MTHFD1L: variants seen among roughly 807,000 people sequenced by gnomAD.
MTHFD1L encodes the protein monofunctional C1-tetrahydrofolate synthase, mitochondrial.
MTHFD1L carries 81 observed loss-of-function variants against 119.5 expected under a neutral mutation model. The observed-to-expected ratio is 0.68, with a 90% CI of 0.57 to 0.82. The LOEUF (loss-of-function observed/expected upper bound fraction) is 0.82. Ranked by LOEUF, MTHFD1L falls within the 40% of genes least tolerant of loss-of-function variation. MTHFD1L has a pLI of 0.00. For missense variants in MTHFD1L, 1,125 were observed against 1,253.4 expected (o/e 0.90, Z 1.55); for synonymous variants, 430 against 475.2 (o/e 0.90, Z 1.24).
chr6:151,002,196 G>C (rs1236630723), intron 20 of MTHFD1L, among the ~76,000 whole-genome samples: 1 of 152,230 alleles, frequency 6.6e-6, no homozygotes, highest in African/African-American at 2.4e-5. Flanking sequence ...TTGATGAGGA[G>C]TATGGAGCAG....
At chr6:150,897,458 C>T (rs568674761) in intron 7 of MTHFD1L, among the ~76,000 whole-genome samples, 2 of 152,306 alleles carry the variant, frequency 1.3e-5, no homozygotes, top group South Asian at 4.1e-4. Context: ...GAAGCCAGTT[C>T]CACTGCAGTA....
At chr6:150,877,024 C>A (rs1258475525) in intron 2 of MTHFD1L, among the ~76,000 whole-genome samples, 2 of 152,170 alleles carry the variant, frequency 1.3e-5, no homozygotes, top group Admixed American at 6.5e-5. Context: ...TAAAGGCAAA[C>A]CATTTCAACT....
At chr6:150,922,052 C>G (rs576539567) in intron 9 of MTHFD1L, among the ~76,000 whole-genome samples, 153 bp from the exon 10 acceptor site, 1 of 152,166 alleles carries the variant, frequency 6.6e-6, no homozygotes, top group African/African-American at 2.4e-5. Flanking sequence ...CCTAGTTACA[C>G]GTGAATAAAA....
chr6:151,068,910 T>G lies in MTHFD1L; in HGVS notation c.2848-23557T>G, dbSNP rs139757519. On this transcript the variant is annotated intron_variant, in intron 26 of 27. Transcript: ENST00000367321. ...CAGCCTGATTTCTTTTGAACTTGGC[T>G]CAATTTCTTGGAAGCATTGATCATG... Among the ~76,000 whole-genome samples, 223 of 152,322 alleles carry G rather than the reference T, an allele frequency of 1.5e-3. 2 individuals carry two copies. The East Asian group carries it at 0.037, about 26-fold the overall frequency.
chr6:150,876,132 A>G lies in MTHFD1L; in HGVS notation c.270A>G (p.Gln90=). 6.2e-7 allele frequency: 1 copy of G among 1,606,268 alleles called. No individual in the cohort carries two copies. Among genetic ancestry groups the G allele is most frequent in the Non-Finnish European group, 8.5e-7 (1 of 1,176,254 alleles). ...QNSKEVLSLL[Q]EKNPAFKPVL... is the part of the protein sequence containing the mutation. Reference sequence around the variant, plus strand: ...CAAAAGAAGTTCTAAGTTTATTGCAAGAAAAAAACCCTGCCTTCAAGCCGG... The same window carrying G: ...CAAAAGAAGTTCTAAGTTTATTGCAGGAAAAAAACCCTGCCTTCAAGCCGG... Residue 90 remains glutamine, a synonymous_variant, in exon 2 of 28, where the codon CAA becomes CAG. Transcript: ENST00000367321.
chr6:151,044,914 T>C (rs1787738174), intron 26 of MTHFD1L, among the ~76,000 whole-genome samples: 1 of 152,208 alleles, frequency 6.6e-6, no homozygotes, highest in African/African-American at 2.4e-5. Flanking sequence ...CCCCGGCCCG[T>C]GGACTCACTG....
At chr6:150,925,984 T>TA in intron 10 of MTHFD1L, 138 bp from the exon 11 acceptor site, 1 of 668,790 alleles carries the variant, frequency 1.5e-6, no homozygotes, top group Non-Finnish European at 2.5e-6. Context: ...CAGTTGTGCT[T>TA]ATTACTGCCT....
At chr6:151,068,912 A>G (rs1047134578) in intron 26 of MTHFD1L, among the ~76,000 whole-genome samples, 3 of 152,164 alleles carry the variant, frequency 2.0e-5, no homozygotes, top group African/African-American at 7.2e-5. Flanking sequence ...AACTTGGCTC[A>G]ATTTCTTGGA....
chr6:150,930,037 A>G (rs779751276), intron 11 of MTHFD1L, among the ~76,000 whole-genome samples: 2 of 152,214 alleles, frequency 1.3e-5, no homozygotes, highest in Non-Finnish European at 2.9e-5. Flanking sequence ...AGGGCTGTAA[A>G]CTGTCATCAG....
rs533588944 is a variant in MTHFD1L at position 151,039,223 on chromosome 6, C to T, written c.2847+2106C>T. On this transcript the variant is annotated intron_variant, in intron 26 of 27. Transcript: ENST00000367321. The surrounding 1 kb of genome is among the most constrained non-coding windows in gnomAD (Gnocchi z 4.4). ...ACGTCCAGAAAAATCCCACAGACAC[C>T]GCTCGTAGCAGTGTTGGCACAGGGA... is the stretch of plus-strand genomic sequence containing the variant. Among the ~76,000 whole-genome samples, 4 of 152,186 alleles carry T rather than the reference C, an allele frequency of 2.6e-5. No individual in the cohort carries two copies. Among genetic ancestry groups the T allele is most frequent in the East Asian group, 3.9e-4 (2 of 5,166 alleles).
chr6:150,877,272 C>T (rs2076557), intron 2 of MTHFD1L, among the ~76,000 whole-genome samples: 23,006 of 152,070 alleles, frequency 0.15, 2,280 homozygotes, highest in African/African-American at 0.25. Context: ...AGGCTGGTCT[C>T]GAACTCCTGG....
Position 150,866,700 on chromosome 6 carries a change from C to A in MTHFD1L, c.227+651C>A, listed in dbSNP as rs1778399637. 2.6e-6 allele frequency: 3 copies of A among 1,135,674 alleles called. No individual in the cohort carries two copies. The African/African-American group carries it at 4.8e-5, about 18-fold the overall frequency. The allele number at this position is 1,135,674 out of a possible 1,614,324, so 70.3% of individuals were successfully genotyped here. ...GAGAGGTCTCAGCGCTGGTTTCCAG[C>A]TTCGCCGCGCAGCGCCCACGGAGTC... On this transcript the variant is annotated intron_variant, in intron 1 of 27. Transcript: ENST00000367321.
Position 151,015,706 on chromosome 6 carries a change from A to G in MTHFD1L, c.2586+13A>G, listed in dbSNP as rs752315105. The G allele has an allele frequency of 5.0e-6, 8 of 1,611,484 alleles. No individual in the cohort carries two copies. The highest frequency in any genetic ancestry group is 2.2e-5 in the East Asian group (1 of 44,876). ...GTATGATGTTCAGGTAAGATCTAGT[A>G]AAAACAATGGCTCACATTTCTTACA... On this transcript the variant is annotated intron_variant, in intron 24 of 27. Coordinates refer to ENST00000367321, the MANE Select transcript of MTHFD1L (RefSeq NM_015440.5).
chr6:150,919,713 C>G (rs1372289220), intron 9 of MTHFD1L, among the ~76,000 whole-genome samples: 2 of 152,150 alleles, frequency 1.3e-5, no homozygotes, highest in African/African-American at 4.8e-5. Flanking sequence ...AGAACTCATT[C>G]ACTATCACAA....
intron 26 of MTHFD1L, among the ~76,000 whole-genome samples, chr6:151,081,498 C>CAAAAAAAAAAAAAAAAAAA (rs56795003): frequency 1.0e-5 from 1 of 98,194 alleles, no homozygotes; most frequent in Non-Finnish European, 2.0e-5. Flanking sequence ...ACTAAAAATG[C>CAAAAAAAAAAAAAAAAAAA]AAAAAAAAAA....
At chr6:151,088,099 T>G (rs146229300) in intron 26 of MTHFD1L, 2 of 152,318 alleles carry the variant, frequency 1.3e-5, no homozygotes, top group African/African-American at 4.8e-5. Flanking sequence ...AATCCTTTGA[T>G]AACAGTTTTT....
intron 8 of MTHFD1L, among the ~76,000 whole-genome samples, chr6:150,915,105 C>T (rs2128877052): frequency 6.6e-6 from 1 of 152,330 alleles, no homozygotes; most frequent in Middle Eastern, 3.4e-3. Context: ...TATCTTCTTA[C>T]ATGGCTCATT....
chr6:150,877,888 T>C (rs1408984105), intron 4 of MTHFD1L, 62 bp downstream of exon 4: 13 of 1,583,340 alleles, frequency 8.2e-6, no homozygotes, highest in African/African-American at 1.3e-5. Flanking sequence ...AATAGGCCCA[T>C]TGGCGTCTCT....
chr6:151,046,732 T>G (rs1788151002), intron 26 of MTHFD1L, among the ~76,000 whole-genome samples: 1 of 152,000 alleles, frequency 6.6e-6, no homozygotes, highest in Non-Finnish European at 1.5e-5. Flanking sequence ...CAGCCATGGC[T>G]AAGAGGCGTA....
Sources: gnomAD v4.1 joint callset for allele counts (sites outside exome capture counted in the v4.1 genomes callset) on GRCh38, gnomAD v4.1.1 for gene constraint, Gnocchi (gnomAD v3.1) non-coding constraint, MANE v1.5 for transcripts, NCBI Gene and HGNC (gene_info 2026-07-23, HGNC 2026-07-21) for gene names.